Variants in ARMH3 observed in about 807,000 individuals in gnomAD.
ARMH3 encodes the protein armadillo-like helical domain-containing protein 3.
ARMH3 carries 60 observed loss-of-function variants against 99.1 expected under a neutral mutation model. That is an observed-to-expected ratio of 0.61 (90% CI 0.49 to 0.75). The LOEUF is 0.75. Ranked by LOEUF, ARMH3 falls within the 30% of genes least tolerant of loss-of-function variation. ARMH3 has a pLI of 0.00. For missense variants in ARMH3, 679 were observed against 843.1 expected, an observed-to-expected ratio of 0.81 and a Z score of 2.41; for synonymous variants, 285 against 292.8, an observed-to-expected ratio of 0.97 and a Z score of 0.27.
At chr10:102,010,706 G>A (rs1480714262) in intron 11 of ARMH3, among the ~76,000 whole-genome samples, 1 of 152,166 alleles carries the variant, frequency 6.6e-6, no homozygotes, top group Non-Finnish European at 1.5e-5. Flanking sequence ...TGCTCCTAGA[G>A]CTTCATGTGT....
At chr10:101,875,037 G>A (rs144823829) in intron 24 of ARMH3, among the ~76,000 whole-genome samples, 73 of 152,262 alleles carry the variant, frequency 4.8e-4, no homozygotes, top group African/African-American at 1.2e-3. Flanking sequence ...TTGGCACAGC[G>A]TACATACTTC....
intron 23 of ARMH3, among the ~76,000 whole-genome samples, chr10:101,924,885 T>C (rs1843450155): frequency 6.6e-6 from 1 of 151,950 alleles, no homozygotes; most frequent in Non-Finnish European, 1.5e-5. Flanking sequence ...TCCCAGCTAC[T>C]TGGGAGGCTG....
chr10:101,981,709 C>T (rs1202753563), intron 19 of ARMH3, among the ~76,000 whole-genome samples: 3 of 151,506 alleles, frequency 2.0e-5, no homozygotes, highest in Non-Finnish European at 4.4e-5. Flanking sequence ...ACTATTTAAA[C>T]AGTACTCTCT....
chr10:102,032,854 T>C, intron 4 of ARMH3, 172 bp downstream of exon 4: 1 of 653,214 alleles, frequency 1.5e-6, no homozygotes, highest in Non-Finnish European at 2.5e-6. Flanking sequence ...AGTGTCAATT[T>C]GTATAAATAG....
At position 102,001,986 on chromosome 10, in the gene ARMH3, T is replaced by A. The variant is rs2066372348; in HGVS notation, c.1135A>T (p.Met379Leu). The change falls in exon 15 of 26, where the codon ATG becomes TTG. Residue 379 changes from methionine (M) to leucine (L), a missense_variant. Met to Leu is a conservative substitution (Grantham distance 15). Transcript: ENST00000370033. ...ITFLKYSSIV[M>L]QDTKDEHRLH... ...TATGGCTTACCTTTGGTGTCCTGCA[T>A]GACAATTGAGCTATACTTTAAAAAG... 1.2e-6 allele frequency: 2 copies of A among 1,614,090 alleles called. No homozygotes were observed. The highest frequency in any genetic ancestry group is 2.7e-5 in the African/African-American group (2 of 74,950).
chr10:101,948,001 A>C (rs1412833776), intron 22 of ARMH3, among the ~76,000 whole-genome samples: 7 of 152,132 alleles, frequency 4.6e-5, no homozygotes, highest in African/African-American at 9.7e-5. Flanking sequence ...AAATATATTC[A>C]AATTATCCAA....
chr10:101,972,348 T>A (rs1845805725), intron 20 of ARMH3, among the ~76,000 whole-genome samples: 1 of 152,242 alleles, frequency 6.6e-6, no homozygotes, highest in African/African-American at 2.4e-5. Flanking sequence ...GCTTCCTAGA[T>A]AATCAAGGGC....
chr10:101,985,214 G>A (rs1846431076), intron 19 of ARMH3, among the ~76,000 whole-genome samples: 3 of 144,474 alleles, frequency 2.1e-5, no homozygotes, highest in Admixed American at 6.9e-5. Flanking sequence ...ACGTATATAT[G>A]TATATATATA....
chr10:101,868,417 G>C (rs2067055990), intron 24 of ARMH3, among the ~76,000 whole-genome samples: 1 of 152,180 alleles, frequency 6.6e-6, no homozygotes, highest in Admixed American at 6.5e-5. Flanking sequence ...ACATTTTTCA[G>C]AGAAATAAAA....
At chr10:101,881,636 G>A (rs1383890155) in intron 24 of ARMH3, among the ~76,000 whole-genome samples, 1 of 152,036 alleles carries the variant, frequency 6.6e-6, no homozygotes, top group Non-Finnish European at 1.5e-5. Flanking sequence ...CTCATACCAG[G>A]CCCCTAATAA....
intron 1 of ARMH3, among the ~76,000 whole-genome samples, chr10:102,049,000 C>CTT (rs35877711): frequency 1.4e-5 from 2 of 147,820 alleles, no homozygotes; most frequent in East Asian, 3.9e-4. Context: ...CTCTCACTTT[C>CTT]TTTTTTTTTT....
chr10:101,932,863 T>C (rs1296017573), intron 23 of ARMH3, among the ~76,000 whole-genome samples: 1 of 152,184 alleles, frequency 6.6e-6, no homozygotes, highest in Admixed American at 6.5e-5. Context: ...ACAATGTGAA[T>C]GTACTTACCA....
chr10:102,046,343 A>AAAAAG (rs1285814724), intron 1 of ARMH3, among the ~76,000 whole-genome samples: 1 of 148,722 alleles, frequency 6.7e-6, no homozygotes, highest in Non-Finnish European at 1.5e-5. Flanking sequence ...AGAGAAAAAG[A>AAAAAG]AAAAAAAAAG....
intron 20 of ARMH3, among the ~76,000 whole-genome samples, chr10:101,972,096 C>G (rs1406439599): frequency 6.6e-6 from 1 of 152,148 alleles, no homozygotes; most frequent in Non-Finnish European, 1.5e-5. Flanking sequence ...GGGCTCGTAT[C>G]TGTAAAACCA....
chr10:101,954,539 G>A (rs1213355002), intron 22 of ARMH3, among the ~76,000 whole-genome samples: 1 of 152,102 alleles, frequency 6.6e-6, no homozygotes, highest in Admixed American at 6.6e-5. Context: ...GACAAAGGAG[G>A]TGACCTCATA....
At chr10:101,889,589 A>G in intron 23 of ARMH3, 99 bp from the exon 24 acceptor site, 1 of 1,091,046 alleles carries the variant, frequency 9.2e-7, no homozygotes, top group Non-Finnish European at 1.4e-6. Flanking sequence ...AGAGTACTAG[A>G]GCATGGGACC....
intron 24 of ARMH3, among the ~76,000 whole-genome samples, chr10:101,875,270 A>G (rs1166450456): frequency 6.6e-6 from 1 of 151,970 alleles, no homozygotes; most frequent in Admixed American, 6.6e-5. Flanking sequence ...GAACTAGAGT[A>G]GCGAACTGTA....
chr10:102,026,905 T>C (rs923596651), intron 5 of ARMH3, among the ~76,000 whole-genome samples: 3 of 152,224 alleles, frequency 2.0e-5, no homozygotes, highest in Non-Finnish European at 4.4e-5. Flanking sequence ...CCTGAGACAG[T>C]TGCCATGTCT....
intron 24 of ARMH3, among the ~76,000 whole-genome samples, chr10:101,857,866 T>C (rs1054877995): frequency 2.0e-5 from 3 of 152,228 alleles, no homozygotes; most frequent in African/African-American, 7.2e-5. Context: ...ACTCTTCCTC[T>C]ATTTTCCTAA....
Sources: allele counts gnomAD v4.1 joint callset (sites outside exome capture counted in the v4.1 genomes callset), GRCh38; gene constraint gnomAD v4.1.1; transcripts MANE v1.5; gene names NCBI Gene and HGNC (gene_info 2026-07-23, HGNC 2026-07-21).